Variants in CPZ observed in about 807,000 individuals in gnomAD.
CPZ encodes the protein carboxypeptidase Z.
CPZ carries 103 observed loss-of-function variants against 61.8 expected under a neutral mutation model. The observed-to-expected ratio is 1.67, with a 90% CI of 1.42 to 1.96. CPZ has a LOEUF of 1.96. Ranked by LOEUF, CPZ falls within the 30% of genes most tolerant of loss-of-function variation. CPZ has a pLI of 0.00. For synonymous variants in CPZ, 551 were observed against 373.7 expected (o/e 1.47, Z -5.47); for missense variants, 1,461 against 914.9 (o/e 1.60, Z -7.70).
intron 9 of CPZ, among the ~76,000 whole-genome samples, chr4:8,616,385 A>G (rs115479422): frequency 6.6e-6 from 1 of 152,050 alleles, no homozygotes; most frequent in South Asian, 2.1e-4. Context: ...ACAGAAAAAA[A>G]ATCCGTCCAC....
chr4:8,608,641 C>CGTGTATGCCT (rs1715255010), intron 7 of CPZ, among the ~76,000 whole-genome samples: 1 of 151,418 alleles, frequency 6.6e-6, no homozygotes, highest in African/African-American at 2.4e-5. Context: ...TGTGAGTGCA[C>CGTGTATGCCT]GTGTGTGCGT....
chr4:8,599,016 G>A (rs1010045173), intron 1 of CPZ, among the ~76,000 whole-genome samples: 1 of 152,212 alleles, frequency 6.6e-6, no homozygotes, highest in African/African-American at 2.4e-5. Context: ...GGGCTCCGGG[G>A]GCTGACAGTT....
At chr4:8,609,556 T>C (rs888056962) in intron 7 of CPZ, among the ~76,000 whole-genome samples, 2 of 140,000 alleles carry the variant, frequency 1.4e-5, no homozygotes, top group Non-Finnish European at 3.0e-5. Context: ...GGCCTGGCCT[T>C]GCACCCCTGT....
chr4:8,599,992 C>T (rs1714452327), intron 2 of CPZ: 1 of 153,178 alleles, frequency 6.5e-6, no homozygotes. Context: ...GGGCTTTTTC[C>T]CTGAAAGGGG....
At chr4:8,602,660 C>A (rs1042628588) in intron 3 of CPZ, 7 of 152,274 alleles carry the variant, frequency 4.6e-5, no homozygotes, top group African/African-American at 1.7e-4. Flanking sequence ...AAGCCCATTG[C>A]GGATGGAGGG....
At chr4:8,601,102 C>T (rs1393536471) in intron 2 of CPZ, 21 bp from the exon 3 acceptor site, 11 of 1,552,422 alleles carry the variant, frequency 7.1e-6, no homozygotes, top group Non-Finnish European at 9.6e-6. Context: ...AGGGACTGAC[C>T]TGCCGACCCT....
intron 1 of CPZ, 94 bp downstream of exon 1, chr4:8,593,015 C>A: frequency 2.0e-6 from 2 of 978,234 alleles, no homozygotes; most frequent in Non-Finnish European, 3.0e-6. Context: ...GAGCTTTCTT[C>A]CAGTAGGTCA....
At chr4:8,601,066 T>C (rs4299567) in intron 2 of CPZ, 57 bp from the exon 3 acceptor site, 1,510,058 of 1,514,662 alleles carry the variant, frequency 1, 752,833 homozygotes, top group East Asian at 1. Context: ...AAATGTCTGA[T>C]GCGTGACGGT....
intron 9 of CPZ, among the ~76,000 whole-genome samples, chr4:8,616,881 C>G (rs1716216952): frequency 6.6e-6 from 1 of 152,184 alleles, no homozygotes; most frequent in Non-Finnish European, 1.5e-5. Flanking sequence ...GTCACGAGCC[C>G]CAGAGGGCAG....
chr4:8,619,705 C>CAAA lies in CPZ; in HGVS notation c.*89_*90insAAA. 1.9e-6 allele frequency: 2 copies of CAAA among 1,028,986 alleles called. No homozygotes were observed. The highest frequency in any genetic ancestry group is 2.7e-6 in the Non-Finnish European group (2 of 740,248). 63.7% of individuals were successfully genotyped at this position (1,028,986 alleles called of 1,614,324 possible). On this transcript the variant is annotated 3_prime_UTR_variant, in exon 11 of 11. Transcript: ENST00000360986. ...GGCTCTTGATTTTGTCTGCCACAGA[C>CAAA]ATCCCACAAAGCCGCTGCCATTTTA...
At chr4:8,609,104 TC>T (rs1560297826) in intron 7 of CPZ, among the ~76,000 whole-genome samples, 9 of 74,886 alleles carry the variant, frequency 1.2e-4, no homozygotes, top group South Asian at 3.5e-4. Flanking sequence ...ACTCACTCAC[TC>T]CCTTCCTCAC....
rs753569071 is a variant in CPZ, at chr4:8,601,278, T to C, written c.277T>C (p.Cys93Arg). 9.7e-5 allele frequency: 157 copies of C among 1,613,418 alleles called. No homozygotes were observed. Among genetic ancestry groups the C allele is most frequent in the Non-Finnish European group, 1.3e-4 (153 of 1,179,890 alleles). Residue 93 changes from cysteine (C) to arginine (R), a missense_variant, in exon 3 of 11, where the codon TGC (cysteine) becomes CGC (arginine). Physicochemically the swap from Cys to Arg is radical, Grantham distance 180. Coordinates refer to ENST00000360986, the MANE Select transcript of CPZ (RefSeq NM_001014447.3). ...SVLHQLLEGQ[C>R]NPDLRLLGCA... ...TCTACACCAGCTCCTGGAAGGCCAG[T>C]GCAACCCGGACCTGCGGCTGCTGGG...
intron 4 of CPZ, among the ~76,000 whole-genome samples, chr4:8,604,691 C>T (rs1006764327): frequency 6.6e-6 from 1 of 152,192 alleles, no homozygotes; most frequent in African/African-American, 2.4e-5. Flanking sequence ...CCATGTTGGC[C>T]AGGCTAGTCT....
chr4:8,617,176 G>C lies in CPZ; in HGVS notation c.1504-1253G>C, dbSNP rs368159383. ...CGGTTTCTGCATCGGTCACGGCGGG[G>C]GTCAGCCGCGGTGGGATTAGAGTTC... is the stretch of plus-strand genomic sequence containing the variant. On this transcript the variant is annotated intron_variant, in intron 9 of 10. Transcript: ENST00000360986. Among the ~76,000 whole-genome samples, 17 of 152,356 alleles carry C rather than the reference G, an allele frequency of 1.1e-4. No homozygotes were observed. In the East Asian group the frequency reaches 1.2e-3, roughly 10 times the overall value.
At chr4:8,593,482 G>T (rs1713951775) in intron 1 of CPZ, among the ~76,000 whole-genome samples, 2 of 152,312 alleles carry the variant, frequency 1.3e-5, no homozygotes, top group South Asian at 4.1e-4. Flanking sequence ...AGGTCTGCCC[G>T]CACGACCTCA....
chr4:8,611,939 C>T, intron 7 of CPZ, 88 bp from the exon 8 acceptor site: 3 of 1,582,172 alleles, frequency 1.9e-6, no homozygotes, highest in Admixed American at 3.5e-5. Flanking sequence ...CAGGTGTTTG[C>T]ACGCGCAGCT....
chr4:8,615,312 C>G (rs1016436056), intron 9 of CPZ, among the ~76,000 whole-genome samples: 3 of 152,174 alleles, frequency 2.0e-5, no homozygotes, highest in Non-Finnish European at 4.4e-5. Flanking sequence ...GTGCCCATGT[C>G]TGCTCCCCTT....
chr4:8,617,217 T>G (rs9291396), intron 9 of CPZ, among the ~76,000 whole-genome samples: 25,433 of 152,146 alleles, frequency 0.17, 2,414 homozygotes, highest in East Asian at 0.32. Flanking sequence ...CTTGCTGAAA[T>G]CATCGGTCCT....
chr4:8,607,175 A>G (rs1488171248), intron 6 of CPZ, 92 bp from the exon 7 acceptor site: 1 of 1,441,436 alleles, frequency 6.9e-7, no homozygotes, highest in Non-Finnish European at 9.4e-7. Flanking sequence ...AGTCTGCACC[A>G]TTGGAGCCCA....
Sources: allele counts gnomAD v4.1 joint callset (sites outside exome capture counted in the v4.1 genomes callset), GRCh38; gene constraint gnomAD v4.1.1; transcripts MANE v1.5; gene names NCBI Gene and HGNC (gene_info 2026-07-23, HGNC 2026-07-21).